The following CACNB4 variants were observed in gnomAD, a reference collection of about 807,000 sequenced individuals.
The protein encoded by CACNB4 is calcium voltage-gated channel auxiliary subunit beta 4.
In CACNB4, 32 loss-of-function variants were observed where a neutral mutation model predicts 71.2. The observed-to-expected ratio is 0.45, with a 90% CI of 0.34 to 0.60. CACNB4 has a LOEUF of 0.60. Among genes scored for constraint, CACNB4 ranks in the 20% least tolerant of loss-of-function variants. The pLI is 0.01. For missense variants in CACNB4, 464 were observed against 647.9 expected (o/e 0.72, Z 3.08); for synonymous variants, 231 against 236.9 (o/e 0.97, Z 0.23).
intron 2 of CACNB4, among the ~76,000 whole-genome samples, chr2:152,031,785 C>T (rs1252203588): frequency 6.6e-6 from 1 of 152,182 alleles, no homozygotes; most frequent in Non-Finnish European, 1.5e-5. Flanking sequence ...TGGTAGAGAA[C>T]TAGGCAACAG....
At chr2:151,888,431 A>G (rs940064876) in intron 2 of CACNB4, among the ~76,000 whole-genome samples, 28 of 151,872 alleles carry the variant, frequency 1.8e-4, no homozygotes, top group Non-Finnish European at 4.4e-5. Context: ...ATTAGGCATG[A>G]TAGTGTGTAC....
At position 152,098,428 on chromosome 2, in the gene CACNB4, C is replaced by CG. The variant is rs571944994; in HGVS notation, c.64-16dup. ...CCTCGGGCCACCTGGACTCGACACACGGGGGCCAGAGAGAAGCCGGTGAGG... is the reference window on the plus strand; with the variant it reads ...CCTCGGGCCACCTGGACTCGACACACGGGGGGCCAGAGAGAAGCCGGTGAGG... On this transcript the variant is annotated splice_polypyrimidine_tract_variant and intron_variant, in intron 1 of 13. Coordinates refer to ENST00000539935, the MANE Select transcript of CACNB4 (RefSeq NM_000726.5). The surrounding 1 kb of genome is among the most constrained non-coding windows in gnomAD (Gnocchi z 5.3). The CG allele has an allele frequency of 8.3e-5, 134 of 1,605,812 alleles. No individual in the cohort carries two copies. In the African/African-American group the frequency reaches 1.7e-3, roughly 20 times the overall value.
chr2:152,012,963 A>C (rs116181922), intron 2 of CACNB4, among the ~76,000 whole-genome samples: 13 of 152,306 alleles, frequency 8.5e-5, no homozygotes, highest in South Asian at 2.1e-4. Flanking sequence ...GCCCTAGACA[A>C]GTGTACCATT....
intron 2 of CACNB4, among the ~76,000 whole-genome samples, chr2:151,892,150 T>C (rs2099850868): frequency 6.6e-6 from 1 of 152,182 alleles, no homozygotes; most frequent in Non-Finnish European, 1.5e-5. Context: ...CGCTGATCAT[T>C]GCCTGAAAAC....
At chr2:152,090,213 C>T (rs535385732) in intron 2 of CACNB4, among the ~76,000 whole-genome samples, 1 of 152,176 alleles carries the variant, frequency 6.6e-6, no homozygotes, top group Non-Finnish European at 1.5e-5. Flanking sequence ...TTGTTTAAAC[C>T]TTGTTTGAAA....
chr2:151,955,479 T>C (rs2099868020), intron 2 of CACNB4, among the ~76,000 whole-genome samples: 1 of 152,122 alleles, frequency 6.6e-6, no homozygotes, highest in Admixed American at 6.5e-5. Context: ...ACACATGAAA[T>C]GGTGAAGAAG....
chr2:151,840,204 A>G (rs2151315391), intron 13 of CACNB4, among the ~76,000 whole-genome samples: 1 of 152,344 alleles, frequency 6.6e-6, no homozygotes. Context: ...ATGGGCCCAG[A>G]CACATCTCAT....
intron 2 of CACNB4, among the ~76,000 whole-genome samples, chr2:152,037,245 A>G (rs1487642636): frequency 6.6e-6 from 1 of 152,232 alleles, no homozygotes; most frequent in East Asian, 1.9e-4. Context: ...CAAGTACTCA[A>G]AGGTGGATAT....
chr2:152,047,916 A>T (rs1457025082), intron 2 of CACNB4, among the ~76,000 whole-genome samples: 1 of 152,152 alleles, frequency 6.6e-6, no homozygotes. Flanking sequence ...AAACAAAACA[A>T]AACAAAACAT....
At chr2:152,036,623 T>C (rs1404405987) in intron 2 of CACNB4, among the ~76,000 whole-genome samples, 4 of 152,220 alleles carry the variant, frequency 2.6e-5, no homozygotes, top group Admixed American at 2.0e-4. Flanking sequence ...TACATGTTTT[T>C]TACCACATTA....
intron 2 of CACNB4, among the ~76,000 whole-genome samples, chr2:152,087,235 T>C (rs192348497): frequency 2.1e-4 from 32 of 151,854 alleles, no homozygotes; most frequent in Admixed American, 1.4e-3. Flanking sequence ...ACCAGCCTGG[T>C]GGTTTCATCA....
Position 152,098,350 on chromosome 2 carries a change from T to C in CACNB4, c.127A>G (p.Thr43Ala), listed in dbSNP as rs1315976488. The C allele has an allele frequency of 6.2e-7, 1 of 1,613,546 alleles. No individual in the cohort carries two copies. Among genetic ancestry groups the C allele is most frequent in the Non-Finnish European group, 8.5e-7 (1 of 1,179,610 alleles). ...LKRSDGSTTS[T>A]SFILRQGSAD... ...CATACCTGTCTGAGGATGAAGCTGGTCGAAGTGGTGCTGCCATCGGATCTT... is the reference window on the plus strand; with the variant it reads ...CATACCTGTCTGAGGATGAAGCTGGCCGAAGTGGTGCTGCCATCGGATCTT... The change falls in exon 2 of 14, where the codon ACC becomes GCC. Residue 43 changes from threonine to alanine, a missense_variant. Around this residue, in one of 3 missense-constraint regions of CACNB4, gnomAD observed 299 missense variants for 471.7 expected, o/e 0.63. Coordinates refer to ENST00000539935, the MANE Select transcript of CACNB4 (RefSeq NM_000726.5). This position sits in a 1 kb window ranked among gnomAD's most constrained non-coding sequence, Gnocchi z 5.3.
intron 2 of CACNB4, among the ~76,000 whole-genome samples, chr2:151,908,777 C>A (rs2151527932): frequency 6.6e-6 from 1 of 152,226 alleles, no homozygotes; most frequent in South Asian, 2.1e-4. Flanking sequence ...CATAGGAATA[C>A]ATTTTCTGAC....
chr2:152,062,226 T>C (rs1686059438), intron 2 of CACNB4, among the ~76,000 whole-genome samples: 1 of 151,952 alleles, frequency 6.6e-6, no homozygotes, highest in Non-Finnish European at 1.5e-5. Flanking sequence ...GAATTCCTAA[T>C]GCATTACAAC....
At chr2:152,028,648 C>T (rs894511795) in intron 2 of CACNB4, among the ~76,000 whole-genome samples, 6 of 152,146 alleles carry the variant, frequency 3.9e-5, no homozygotes, top group African/African-American at 1.4e-4. Flanking sequence ...AAGGCTGAGA[C>T]CAAATGAGCA....
chr2:152,004,731 T>C (rs1682627617), intron 2 of CACNB4, among the ~76,000 whole-genome samples: 1 of 152,160 alleles, frequency 6.6e-6, no homozygotes, highest in Non-Finnish European at 1.5e-5. Flanking sequence ...GCAGCACCAC[T>C]TAGCTGGGCT....
intron 2 of CACNB4, among the ~76,000 whole-genome samples, chr2:152,042,248 G>C (rs1288112723): frequency 6.6e-6 from 1 of 152,164 alleles, no homozygotes; most frequent in Non-Finnish European, 1.5e-5. Flanking sequence ...CACCAGCAAG[G>C]CCTCAAACAG....
chr2:152,083,069 G>A (rs1214841465), intron 2 of CACNB4, among the ~76,000 whole-genome samples: 1 of 152,114 alleles, frequency 6.6e-6, no homozygotes, highest in Admixed American at 6.6e-5. Context: ...TTAGGAAACT[G>A]CCCTCCCCAA....
intron 2 of CACNB4, among the ~76,000 whole-genome samples, chr2:151,929,822 A>T (rs981450189): frequency 2.6e-5 from 4 of 152,176 alleles, no homozygotes; most frequent in Admixed American, 6.5e-5. Flanking sequence ...AGAAATTTCC[A>T]GGCTCTATAT....
Sources: gnomAD v4.1 joint callset for allele counts (sites outside exome capture counted in the v4.1 genomes callset) on GRCh38, gnomAD v4.1.1 for gene constraint, gnomAD v4.1.1 regional missense constraint, Gnocchi (gnomAD v3.1) non-coding constraint, MANE v1.5 for transcripts, NCBI Gene and HGNC (gene_info 2026-07-23, HGNC 2026-07-21) for gene names.